The following ZNF585A variants were observed in gnomAD, a reference collection of about 807,000 sequenced individuals.
The protein encoded by ZNF585A is zinc finger protein 585A.
Under a neutral mutation model 14.9 loss-of-function variants are expected in ZNF585A, and 9 were observed. The observed-to-expected ratio is 0.60, with a 90% CI of 0.36 to 1.05. The LOEUF (loss-of-function observed/expected upper bound fraction) is 1.05. Ranked by LOEUF, ZNF585A falls within the 50% of genes least tolerant of loss-of-function variation. ZNF585A has a pLI of 0.01. For synonymous variants in ZNF585A, 276 were observed against 319.9 expected (o/e 0.86, Z 1.46); for missense variants, 726 against 926.4 (o/e 0.78, Z 2.81).
At chr19:37,155,106 T>C (rs968373759) in intron 4 of ZNF585A, among the ~76,000 whole-genome samples, 1 of 150,290 alleles carries the variant, frequency 6.7e-6, no homozygotes, top group Non-Finnish European at 1.5e-5. Context: ...GTTCATGCCA[T>C]TCTCCTGCCT....
chr19:37,164,641 G>A (rs937431527), intron 2 of ZNF585A, among the ~76,000 whole-genome samples: 2 of 152,086 alleles, frequency 1.3e-5, no homozygotes, highest in African/African-American at 2.4e-5. Flanking sequence ...CTCTCGAAAA[G>A]TAAATTTCTC....
Position 37,169,823 on chromosome 19 carries a change from G to A in ZNF585A, c.72+16C>T. On this transcript the variant is annotated intron_variant, in intron 2 of 4. Coordinates refer to ENST00000292841, the MANE Select transcript of ZNF585A (RefSeq NM_001288800.2). ...CTGGATTGAATTCCCACCCCCCTGG[G>A]ACTCCTCCTTCTCACCTCATAGGAG... 1 of 1,610,350 alleles carries A rather than the reference G, an allele frequency of 6.2e-7. No homozygotes were observed. Among genetic ancestry groups the A allele is most frequent in the Non-Finnish European group, 8.5e-7 (1 of 1,179,944 alleles).
intron 4 of ZNF585A, 73 bp downstream of exon 4, chr19:37,155,792 T>A: frequency 6.7e-7 from 1 of 1,499,020 alleles, no homozygotes. Context: ...ATTCCAAGGG[T>A]GTTGGTGTTT....
In ZNF585A at chr19:37,169,865, G is replaced by T. The variant is rs1972154437; in HGVS notation, c.46C>A (p.Pro16Thr). 1 of 1,613,230 alleles carries T rather than the reference G, an allele frequency of 6.2e-7. No homozygotes were observed. The highest frequency in any genetic ancestry group is 1.3e-5 in the African/African-American group (1 of 75,026). Residue 16 changes from proline to threonine, a missense_variant, in exon 2 of 5, where the codon CCA becomes ACA. This residue lies in a region of ZNF585A where 483 missense variants were observed against 542.8 expected (regional missense o/e 0.89). Coordinates refer to ENST00000292841, the MANE Select transcript of ZNF585A (RefSeq NM_001288800.2). ...TSPQKSSALA[P>T]EDHGSSYEGS... ...TCATAGGAGCTGCCATGATCCTCTG[G>T]AGCCAGGGCTGAGGATTTCTGAGGT...
Position 37,152,889 on chromosome 19 carries a change from T to C in ZNF585A, c.1010A>G (p.Asn337Ser), listed in dbSNP as rs1434122612. 1 of 1,614,258 alleles carries C rather than the reference T, an allele frequency of 6.2e-7. No individual in the cohort carries two copies. The highest frequency in any genetic ancestry group is 8.5e-7 in the Non-Finnish European group (1 of 1,180,050). Residue 337 changes from asparagine (N) to serine (S), a missense_variant, in exon 5 of 5, where the codon AAT becomes AGT. By Grantham distance (46) the Asn-to-Ser change is conservative (BLOSUM62 1). This residue lies in a region of ZNF585A where 483 missense variants were observed against 542.8 expected (regional missense o/e 0.89). Transcript: ENST00000292841. ...CTTATGTGTAACGAGGTTGGAATTA[T>C]TGCTGAAGACCTTCCCATATTCGGT... ...ICTEYGKVFSNNSNLVTHKKV... is the reference protein window; with the variant it reads ...ICTEYGKVFSSNSNLVTHKKV...
rs1484907493 is a variant in ZNF585A, at chr19:37,147,917, TC to T, written c.*3671del. The T allele has an allele frequency of 6.6e-6, 1 of 152,216 alleles. No individual in the cohort carries two copies. Among genetic ancestry groups the T allele is most frequent in the Non-Finnish European group, 1.5e-5 (1 of 68,034 alleles). The allele number at this position is 152,216 out of a possible 1,614,324, so 9.4% of individuals were successfully genotyped here. On this transcript the variant is annotated 3_prime_UTR_variant, in exon 5 of 5. Transcript: ENST00000292841. ...TGGTGTACACAATTTGTTTAATCAC[TC>T]ATCCACTGATGTACATTTGTGTTAC...
chr19:37,163,668 C>A (rs896399403), intron 2 of ZNF585A, among the ~76,000 whole-genome samples: 3 of 151,706 alleles, frequency 2.0e-5, no homozygotes, highest in Non-Finnish European at 4.4e-5. Context: ...ATTCACAGTA[C>A]AAATTTAATA....
At chr19:37,163,531 A>T (rs1227075757) in intron 2 of ZNF585A, among the ~76,000 whole-genome samples, 1 of 151,956 alleles carries the variant, frequency 6.6e-6, no homozygotes, top group African/African-American at 2.4e-5. Context: ...GGCAAAGAGC[A>T]GATTAAGGCA....
At position 37,146,031 on chromosome 19, in the gene ZNF585A, G is replaced by A. The variant is rs560686267; in HGVS notation, c.*5558C>T. 1.3e-5 allele frequency: 2 copies of A among 152,280 alleles called. No homozygotes were observed. The highest frequency in any genetic ancestry group is 4.8e-5 in the African/African-American group (2 of 41,544). The allele number at this position is 152,280 out of a possible 1,614,324, so 9.4% of individuals were successfully genotyped here. On this transcript the variant is annotated 3_prime_UTR_variant, in exon 5 of 5. Coordinates refer to ENST00000292841, the MANE Select transcript of ZNF585A (RefSeq NM_001288800.2). ...TATGCTATGGCATGGTGTACGGTAT[G>A]GTACGGTATGAGGAATGTGGAGTAG...
chr19:37,165,340 C>T (rs1972072142), intron 2 of ZNF585A: 1 of 146,146 alleles, frequency 6.8e-6, no homozygotes, highest in African/African-American at 2.5e-5. Context: ...AGCCTGACTA[C>T]AGAGCAAGAC....
rs1056059722 is a variant in ZNF585A, at chr19:37,151,276, G to A, written c.*313C>T. 4.5e-5 allele frequency: 20 copies of A among 443,250 alleles called. No individual in the cohort carries two copies. The highest frequency in any genetic ancestry group is 7.1e-5 in the Non-Finnish European group (18 of 252,190). The allele number at this position is 443,250 out of a possible 1,614,324, so 27.5% of individuals were successfully genotyped here. A position where few individuals can be genotyped will look rare whatever the true frequency, so the allele number is the denominator to read the frequency against. On this transcript the variant is annotated 3_prime_UTR_variant, in exon 5 of 5. Transcript: ENST00000292841. ...AACAGGATTATCGTTAACTTAATAC[G>A]ATCTTTCTTAGGAAGAATTTGGTAA...
rs1467513920 is a variant in ZNF585A at position 37,155,869 on chromosome 19, G to A, written c.288C>T (p.Cys96=). 6.2e-7 allele frequency: 1 copy of A among 1,612,028 alleles called. No homozygotes were observed. The highest frequency in any genetic ancestry group is 8.5e-7 in the Non-Finnish European group (1 of 1,179,994). The change falls in exon 4 of 5, where the codon TGC becomes TGT. Residue 96 remains cysteine, a synonymous_variant. Transcript: ENST00000292841. The part of the protein sequence containing the change: ...ALQGERPRQS[C]PGEKLWDHNQ... ...ATTCACACTCGCTTCACTCACCTGG[G>A]CAGCTCTGACGTGGCCTCTCACCCT... is the stretch of plus-strand genomic sequence containing the variant.
intron 2 of ZNF585A, among the ~76,000 whole-genome samples, chr19:37,161,648 T>C (rs1472466075): frequency 1.3e-5 from 2 of 152,104 alleles, no homozygotes; most frequent in Admixed American, 6.6e-5. Context: ...AACCAAACTC[T>C]CCTTTTCCTC....
intron 2 of ZNF585A, chr19:37,165,678 T>C (rs1972081486): frequency 1.0e-6 from 1 of 984,208 alleles, no homozygotes; most frequent in Non-Finnish European, 1.2e-6. Flanking sequence ...TCCAGTTCTT[T>C]CAGGCATCAA....
chr19:37,159,504 A>C (rs540432772), intron 2 of ZNF585A, among the ~76,000 whole-genome samples: 2 of 152,312 alleles, frequency 1.3e-5, no homozygotes, highest in East Asian at 3.9e-4. Flanking sequence ...AGGGACTTGA[A>C]TACCCCTCCC....
intron 2 of ZNF585A, among the ~76,000 whole-genome samples, chr19:37,169,600 G>A (rs967173190): frequency 1.3e-5 from 2 of 152,128 alleles, no homozygotes; most frequent in African/African-American, 2.4e-5. Context: ...ATAAACAACA[G>A]TTTTTCTTAA....
chr19:37,171,902 CAAAA>C (rs35616540), intron 1 of ZNF585A, among the ~76,000 whole-genome samples: 11 of 132,812 alleles, frequency 8.3e-5, no homozygotes, highest in Admixed American at 3.8e-4. Flanking sequence ...GACTCCATCT[CAAAA>C]AAAAAAAAAG....
chr19:37,156,096 A>C, intron 3 of ZNF585A, 133 bp downstream of exon 3: 1 of 1,550,682 alleles, frequency 6.4e-7, no homozygotes, highest in Non-Finnish European at 8.7e-7. Flanking sequence ...TGAGTGCCCT[A>C]AACAAATAAA....
At chr19:37,166,515 C>T (rs540751359) in intron 2 of ZNF585A, among the ~76,000 whole-genome samples, 18 of 150,498 alleles carry the variant, frequency 1.2e-4, no homozygotes, top group African/African-American at 3.4e-4. Context: ...AGTTCCACCA[C>T]GTTGGCCAGG....
Sources: gnomAD v4.1 joint callset for allele counts (sites outside exome capture counted in the v4.1 genomes callset) on GRCh38, gnomAD v4.1.1 for gene constraint, gnomAD v4.1.1 regional missense constraint, MANE v1.5 for transcripts, NCBI Gene and HGNC (gene_info 2026-07-23, HGNC 2026-07-21) for gene names.